PARD3B: variants seen among roughly 807,000 people sequenced by gnomAD.
PARD3B encodes par-3 family cell polarity regulator beta, also known as partitioning defective 3 homolog B.
In PARD3B, 103 loss-of-function variants were observed where a neutral mutation model predicts 130.2. The observed-to-expected ratio is 0.79, with a 90% CI of 0.67 to 0.93. The LOEUF (loss-of-function observed/expected upper bound fraction) is 0.93. PARD3B is among the 40% of genes least tolerant of loss of function. The pLI is 0.00. For missense variants in PARD3B, 1,609 were observed against 1,499.2 expected, an observed-to-expected ratio of 1.07 and a Z score of -1.21; for synonymous variants, 583 against 553.2, an observed-to-expected ratio of 1.05 and a Z score of -0.76.
rs1434275629 is a variant in PARD3B at position 205,532,319 on chromosome 2, C to CCAT, written c.3181-21001_3181-20999dup. Among the ~76,000 whole-genome samples, 4 of 151,726 alleles carry CCAT rather than the reference C, an allele frequency of 2.6e-5. No homozygotes were observed. In the South Asian group the frequency reaches 6.2e-4, roughly 24 times the overall value. On this transcript the variant is annotated intron_variant, in intron 21 of 22. Transcript: ENST00000406610. Reference sequence around the variant, plus strand: ...TTGTGTTATGTTTAGTCACCTAGTCCCATCATTTTTGAACACAGGTGTCAT... The same window carrying CCAT: ...TTGTGTTATGTTTAGTCACCTAGTCCCATCATCATTTTTGAACACAGGTGTCAT...
intron 1 of PARD3B, among the ~76,000 whole-genome samples, chr2:204,667,306 A>C (rs1302588318): frequency 6.6e-6 from 1 of 152,190 alleles, no homozygotes; most frequent in Non-Finnish European, 1.5e-5. Context: ...TGATGTTGGC[A>C]AATGCTCAAA....
chr2:204,909,145 AT>A (rs2047142316), intron 2 of PARD3B, among the ~76,000 whole-genome samples: 1 of 152,204 alleles, frequency 6.6e-6, no homozygotes, highest in Non-Finnish European at 1.5e-5. Context: ...CCTTAAAAAA[AT>A]AAGGCCATCG....
chr2:205,367,311 A>G (rs2044646487), intron 18 of PARD3B, among the ~76,000 whole-genome samples: 2 of 152,214 alleles, frequency 1.3e-5, no homozygotes, highest in African/African-American at 4.8e-5. Context: ...ATGAAGAGTC[A>G]TGCTATGAAG....
intron 2 of PARD3B, among the ~76,000 whole-genome samples, chr2:204,765,267 AG>A (rs1030681544): frequency 4.1e-4 from 63 of 152,310 alleles, no homozygotes; most frequent in African/African-American, 1.4e-3. Context: ...GCCCCATCCA[AG>A]ACCTGCTGAA....
At position 205,288,175 on chromosome 2, in the gene PARD3B, G is replaced by A. The variant is rs528254833; in HGVS notation, c.2186-12355G>A. Among the ~76,000 whole-genome samples the A allele has an allele frequency of 3.0e-4, 45 of 152,098 alleles. No individual in the cohort carries two copies. The highest frequency in any genetic ancestry group is 1.1e-3 in the African/African-American group (44 of 41,492). ...GAAGCCATGCCAGGAGGAAGCCTAG[G>A]GGTAGCAGGCAGTGCCCCCTGTCCC... On this transcript the variant is annotated intron_variant, in intron 16 of 22. Transcript: ENST00000406610. This position sits in a 1 kb window ranked among gnomAD's most constrained non-coding sequence, Gnocchi z 4.0.
At chr2:205,494,954 C>T in intron 20 of PARD3B, among the ~76,000 whole-genome samples, 1 of 152,118 alleles carries the variant, frequency 6.6e-6, no homozygotes, top group Non-Finnish European at 1.5e-5. Context: ...GTCTTTAGGA[C>T]ATCATAGGAG....
intron 18 of PARD3B, among the ~76,000 whole-genome samples, chr2:205,348,814 A>G (rs1043870981): frequency 5.9e-5 from 9 of 152,192 alleles, no homozygotes; most frequent in African/African-American, 1.9e-4. Context: ...AAGCAGTTAG[A>G]TAAGGGAGAT....
chr2:204,672,537 G>A (rs895986013), intron 1 of PARD3B, among the ~76,000 whole-genome samples: 5 of 152,062 alleles, frequency 3.3e-5, no homozygotes, highest in African/African-American at 1.2e-4. Flanking sequence ...AATAAAAATT[G>A]CTATAAATTT....
intron 20 of PARD3B, among the ~76,000 whole-genome samples, chr2:205,471,481 C>A (rs1311489980): frequency 6.6e-6 from 1 of 151,338 alleles, no homozygotes; most frequent in Admixed American, 6.6e-5. Flanking sequence ...CCTGCCTCAG[C>A]CTCCTGAGTA....
chr2:205,379,205 T>G (rs1426581426), intron 18 of PARD3B, among the ~76,000 whole-genome samples: 1 of 152,144 alleles, frequency 6.6e-6, no homozygotes, highest in Non-Finnish European at 1.5e-5. Context: ...CACTACAAAT[T>G]CACTGAACTG....
intron 3 of PARD3B, among the ~76,000 whole-genome samples, chr2:205,022,503 A>G (rs938656898): frequency 1.3e-5 from 2 of 152,168 alleles, no homozygotes; most frequent in African/African-American, 4.8e-5. Context: ...TTCCCCTTCA[A>G]TATTGTTCTT....
intron 2 of PARD3B, among the ~76,000 whole-genome samples, chr2:204,824,181 A>G (rs1339831129): frequency 3.3e-5 from 5 of 152,182 alleles, no homozygotes; most frequent in Non-Finnish European, 7.3e-5. Flanking sequence ...CTCTGCTCTC[A>G]TCTGTACACC....
At chr2:205,597,361 C>CT (rs2054608593) in intron 22 of PARD3B, among the ~76,000 whole-genome samples, 1 of 152,092 alleles carries the variant, frequency 6.6e-6, no homozygotes, top group Non-Finnish European at 1.5e-5. Flanking sequence ...TGATTTAGTT[C>CT]TTTTTTTATG....
chr2:205,347,545 A>T (rs1029429469), intron 18 of PARD3B, among the ~76,000 whole-genome samples: 2 of 152,230 alleles, frequency 1.3e-5, no homozygotes, highest in Non-Finnish European at 2.9e-5. Flanking sequence ...TAGTTAAAAA[A>T]TACTGCCACA....
Position 204,890,667 on chromosome 2 carries a change from C to T in PARD3B, c.223-74485C>T, listed in dbSNP as rs1280223360. On this transcript the variant is annotated intron_variant, in intron 2 of 22. Coordinates refer to ENST00000406610, the MANE Select transcript of PARD3B (RefSeq NM_001302769.2). The surrounding 1 kb of genome is among the most constrained non-coding windows in gnomAD (Gnocchi z 4.9). Reference sequence around the variant, plus strand: ...GGAGAAAACCAGGACACATGCACAACGGTAAGTGTCACAAAGTGACAACTG... The same window carrying T: ...GGAGAAAACCAGGACACATGCACAATGGTAAGTGTCACAAAGTGACAACTG... 3.9e-5 allele frequency among the ~76,000 whole-genome samples: 6 copies of T among 152,082 alleles called. No individual in the cohort carries two copies. The highest frequency in any genetic ancestry group is 7.4e-5 in the Non-Finnish European group (5 of 68,014).
intron 2 of PARD3B, among the ~76,000 whole-genome samples, chr2:204,807,162 C>T (rs1052209377): frequency 2.0e-5 from 3 of 152,118 alleles, no homozygotes; most frequent in African/African-American, 4.8e-5. Flanking sequence ...AACCCACCCC[C>T]GTGATTCAAT....
intron 2 of PARD3B, among the ~76,000 whole-genome samples, chr2:204,925,664 G>C (rs1204178736): frequency 6.6e-6 from 1 of 152,004 alleles, no homozygotes; most frequent in Non-Finnish European, 1.5e-5. Flanking sequence ...TCTCATCCTT[G>C]GGTCATTTCA....
intron 15 of PARD3B, among the ~76,000 whole-genome samples, chr2:205,216,340 C>T (rs1249200487): frequency 6.6e-6 from 1 of 152,018 alleles, no homozygotes; most frequent in East Asian, 1.9e-4. Context: ...TTTCTCAGAA[C>T]CTATCTCAGT....
At chr2:205,202,166 A>T (rs947314858) in intron 15 of PARD3B, among the ~76,000 whole-genome samples, 1 of 152,200 alleles carries the variant, frequency 6.6e-6, no homozygotes, top group Non-Finnish European at 1.5e-5. Flanking sequence ...GCTACATTTA[A>T]AGTGAATTAT....
Sources: allele counts gnomAD v4.1 joint callset (sites outside exome capture counted in the v4.1 genomes callset), GRCh38; gene constraint gnomAD v4.1.1; non-coding constraint Gnocchi (gnomAD v3.1); transcripts MANE v1.5; gene names NCBI Gene and HGNC (gene_info 2026-07-23, HGNC 2026-07-21).